Variants in NGF observed in about 807,000 individuals in gnomAD.
The protein encoded by NGF is beta-nerve growth factor.
A neutral mutation model predicts 12.8 loss-of-function variants in NGF; 4 were observed. The observed-to-expected ratio is 0.31, with a 90% confidence interval of 0.15 to 0.72. The LOEUF is 0.72. NGF is among the 30% of genes least tolerant of loss of function. The pLI is 0.69. For synonymous variants in NGF, 140 were observed against 130.0 expected (o/e 1.08, Z -0.52); for missense variants, 283 against 330.8 (o/e 0.86, Z 1.12).
intron 1 of NGF, among the ~76,000 whole-genome samples, chr1:115,337,256 GTTTTGTTTTTGTTTTTTTTTTTTTT>G (rs1655136731): frequency 3.7e-5 from 1 of 27,200 alleles, no homozygotes; most frequent in African/African-American, 1.7e-4. Flanking sequence ...AATTTTTTTT[GTTTTGTTTTTGTTTTTTTTTTTTTT>G]TTTTTTTTTT....
chr1:115,302,224 C>T (rs973007716), intron 1 of NGF, among the ~76,000 whole-genome samples: 1 of 152,218 alleles, frequency 6.6e-6, no homozygotes, highest in Non-Finnish European at 1.5e-5. Flanking sequence ...TTCACTTTGG[C>T]TATGTAGTGT....
chr1:115,285,935 A>G lies in NGF; in HGVS notation c.*135T>C. On this transcript the variant is annotated 3_prime_UTR_variant, in exon 3 of 3. Coordinates refer to ENST00000369512, the MANE Select transcript of NGF (RefSeq NM_002506.3). The stretch of plus-strand genomic sequence containing the variant: ...CACAGGATGCTTCCAAAAATTTAAT[A>G]AATAATGATTCTTTAAAACTGTATA... 6 of 1,286,118 alleles carry G rather than the reference A, an allele frequency of 4.7e-6. No individual in the cohort carries two copies. Among genetic ancestry groups the G allele is most frequent in the Non-Finnish European group, 6.2e-6 (6 of 965,906 alleles). 79.7% of individuals were successfully genotyped at this position (1,286,118 alleles called of 1,614,324 possible).
chr1:115,291,507 G>T (rs972272526), intron 2 of NGF, among the ~76,000 whole-genome samples: 1 of 152,162 alleles, frequency 6.6e-6, no homozygotes, highest in Non-Finnish European at 1.5e-5. Context: ...TCACATGAAC[G>T]AACATGTTCT....
chr1:115,315,778 G>T (rs981799154), intron 1 of NGF, among the ~76,000 whole-genome samples: 7 of 152,140 alleles, frequency 4.6e-5, no homozygotes, highest in Admixed American at 1.3e-4. Flanking sequence ...GGAGTACGAA[G>T]AACGAGCTCG....
intron 1 of NGF, among the ~76,000 whole-genome samples, chr1:115,307,760 T>C (rs574961350): frequency 6.6e-6 from 1 of 152,236 alleles, no homozygotes; most frequent in South Asian, 2.1e-4. Context: ...AGTGATAACA[T>C]TGCCTTGGCA....
At chr1:115,319,606 T>C (rs1360242585) in intron 1 of NGF, among the ~76,000 whole-genome samples, 1 of 152,202 alleles carries the variant, frequency 6.6e-6, no homozygotes, top group Non-Finnish European at 1.5e-5. Flanking sequence ...ACAAGGGTGG[T>C]AGCATCAGTT....
At chr1:115,323,985 T>A (rs573104486) in intron 1 of NGF, among the ~76,000 whole-genome samples, 96 of 152,288 alleles carry the variant, frequency 6.3e-4, no homozygotes, top group Admixed American at 5.5e-3. Flanking sequence ...AGAATTTGTA[T>A]AACCTGGAAT....
chr1:115,295,543 G>C (rs1291800796), intron 1 of NGF, among the ~76,000 whole-genome samples: 8 of 152,122 alleles, frequency 5.3e-5, no homozygotes, highest in African/African-American at 1.9e-4. Context: ...GTTTCGTCTA[G>C]TCCATAAACC....
At chr1:115,297,031 G>A (rs7540561) in intron 1 of NGF, among the ~76,000 whole-genome samples, 6,972 of 152,270 alleles carry the variant, frequency 0.046, 200 homozygotes, top group Middle Eastern at 0.075. Context: ...AAAGTCTGAT[G>A]TACTTCTTCT....
intron 1 of NGF, among the ~76,000 whole-genome samples, chr1:115,320,859 C>A (rs1432884080): frequency 6.6e-6 from 1 of 152,176 alleles, no homozygotes; most frequent in Non-Finnish European, 1.5e-5. Context: ...GTGTGATTAT[C>A]CGTAGTGTGG....
chr1:115,301,593 G>A (rs905644158), intron 1 of NGF, among the ~76,000 whole-genome samples: 10 of 152,100 alleles, frequency 6.6e-5, no homozygotes, highest in South Asian at 2.1e-4. Context: ...GGAAGAAATC[G>A]CCGCTTTGTG....
intron 1 of NGF, among the ~76,000 whole-genome samples, chr1:115,302,736 G>A (rs7542555): frequency 0.25 from 38,267 of 152,116 alleles, 5,668 homozygotes; most frequent in African/African-American, 0.42. Context: ...GAAGGTGGGC[G>A]CTAGACTGAC....
At chr1:115,293,309 G>A (rs904623157) in intron 2 of NGF, among the ~76,000 whole-genome samples, 7 of 152,114 alleles carry the variant, frequency 4.6e-5, no homozygotes, top group African/African-American at 7.2e-5. Flanking sequence ...CTGCTCAGTC[G>A]GACCAGAGAG....
chr1:115,329,744 C>CT (rs1039991768), intron 1 of NGF, among the ~76,000 whole-genome samples: 3,738 of 103,866 alleles, frequency 0.036, 206 homozygotes, highest in African/African-American at 0.11. Context: ...TTCTTTCTTT[C>CT]TTTTTTTTTT....
chr1:115,292,091 A>T (rs981894297), intron 2 of NGF, among the ~76,000 whole-genome samples: 2 of 152,092 alleles, frequency 1.3e-5, no homozygotes, highest in African/African-American at 4.8e-5. Context: ...CTTCACTCTA[A>T]ATGTTAACTG....
chr1:115,322,846 G>A (rs1557945896), intron 1 of NGF, among the ~76,000 whole-genome samples: 1 of 152,098 alleles, frequency 6.6e-6, no homozygotes, highest in East Asian at 1.9e-4. Flanking sequence ...CCACTCTCCT[G>A]CCCTCTCACT....
chr1:115,303,430 A>G (rs1654098963), intron 1 of NGF, among the ~76,000 whole-genome samples: 1 of 150,110 alleles, frequency 6.7e-6, no homozygotes, highest in South Asian at 2.1e-4. Flanking sequence ...CATCACTACC[A>G]TCACCTCCTC....
intron 1 of NGF, among the ~76,000 whole-genome samples, chr1:115,296,294 C>G (rs990464633): frequency 6.6e-6 from 1 of 152,144 alleles, no homozygotes; most frequent in Non-Finnish European, 1.5e-5. Flanking sequence ...CTGGGGCCTG[C>G]CCACTGAACG....
At chr1:115,305,252 T>C (rs941411162) in intron 1 of NGF, among the ~76,000 whole-genome samples, 4 of 152,220 alleles carry the variant, frequency 2.6e-5, no homozygotes, top group African/African-American at 9.6e-5. Context: ...AAAATACTCA[T>C]TAAAAATCTT....
Sources: allele counts gnomAD v4.1 joint callset (sites outside exome capture counted in the v4.1 genomes callset), GRCh38; gene constraint gnomAD v4.1.1; transcripts MANE v1.5; gene names NCBI Gene and HGNC (gene_info 2026-07-23, HGNC 2026-07-21).